The following CAPZB variants were observed in gnomAD, a reference collection of about 807,000 sequenced individuals.
CAPZB encodes the protein F-actin-capping protein subunit beta.
A neutral mutation model predicts 38.1 loss-of-function variants in CAPZB; 2 were observed. That is an observed-to-expected ratio of 0.05 (90% CI 0.02 to 0.17). The LOEUF is 0.17. Among genes scored for constraint, CAPZB ranks in the 10% least tolerant of loss-of-function variants. CAPZB has a pLI of 1.00. For synonymous variants in CAPZB, 107 were observed against 127.4 expected, an observed-to-expected ratio of 0.84 and a Z score of 1.08; for missense variants, 161 against 334.2, an observed-to-expected ratio of 0.48 and a Z score of 4.04.
chr1:19,376,549 C>CA (rs1156648340), intron 4 of CAPZB, among the ~76,000 whole-genome samples: 4 of 152,238 alleles, frequency 2.6e-5, no homozygotes, highest in Admixed American at 2.6e-4. Flanking sequence ...GCCCCTGCCT[C>CA]AGAGACCCTG....
chr1:19,403,027 CAACAA>C, intron 2 of CAPZB, among the ~76,000 whole-genome samples: 1 of 151,586 alleles, frequency 6.6e-6, no homozygotes, highest in Non-Finnish European at 1.5e-5. Context: ...CCAGCCTGGG[CAACAA>C]GAACAAAACT....
intron 2 of CAPZB, among the ~76,000 whole-genome samples, chr1:19,386,135 CTCTA>C (rs1213916616): frequency 3.9e-5 from 6 of 152,234 alleles, no homozygotes; most frequent in Non-Finnish European, 8.8e-5. Context: ...GTAGAGTCAA[CTCTA>C]TCTGCTGCAA....
chr1:19,370,089 C>T lies in CAPZB; in HGVS notation c.329+8451G>A, dbSNP rs78551084. ...ACCTTCCAGACCTTTCCCAAGGCTC[C>T]CAGAATGACACCCAGAGCCCGCACC... On this transcript the variant is annotated intron_variant, in intron 4 of 8. Transcript: ENST00000264202. Among the ~76,000 whole-genome samples the T allele has an allele frequency of 9.3e-3, 1,416 of 152,296 alleles. 28 individuals carry two copies. The highest frequency in any genetic ancestry group is 0.033 in the African/African-American group (1,352 of 41,566).
Position 19,357,127 on chromosome 1 carries a change from A to T in CAPZB, c.471+295T>A, listed in dbSNP as rs2094025834. On this transcript the variant is annotated intron_variant, in intron 5 of 8. Coordinates refer to ENST00000264202, the MANE Select transcript of CAPZB (RefSeq NM_004930.5). The surrounding 1 kb of genome is among the most constrained non-coding windows in gnomAD (Gnocchi z 4.3). ...TGATCTGCCCACCTCAGCCTCCCAA[A>T]CTGCTGGGATTACAGGCCCGAGCCA... 6.6e-6 allele frequency among the ~76,000 whole-genome samples: 1 copy of T among 151,954 alleles called. No homozygotes were observed.
intron 3 of CAPZB, among the ~76,000 whole-genome samples, chr1:19,384,782 C>T (rs1338281517): frequency 6.6e-6 from 1 of 152,198 alleles, no homozygotes; most frequent in Non-Finnish European, 1.5e-5. Flanking sequence ...AGGATTCCCA[C>T]TCTTAAAAAA....
At chr1:19,472,137 T>C (rs1268242660) in intron 1 of CAPZB, among the ~76,000 whole-genome samples, 1 of 152,122 alleles carries the variant, frequency 6.6e-6, no homozygotes, top group Non-Finnish European at 1.5e-5. Context: ...ATAAAGTTAT[T>C]AGAGGAAGGA....
At chr1:19,441,536 G>A (rs187031381) in intron 1 of CAPZB, among the ~76,000 whole-genome samples, 10 of 151,998 alleles carry the variant, frequency 6.6e-5, no homozygotes, top group Non-Finnish European at 1.3e-4. Flanking sequence ...TACACAGCAG[G>A]GCATGTTCAC....
intron 6 of CAPZB, among the ~76,000 whole-genome samples, chr1:19,349,310 G>C (rs1259964503): frequency 6.6e-6 from 1 of 152,076 alleles, no homozygotes; most frequent in East Asian, 1.9e-4. Flanking sequence ...GGTGGAGTCA[G>C]CTCGGCAGGC....
At chr1:19,398,280 T>G (rs2094283375) in intron 2 of CAPZB, among the ~76,000 whole-genome samples, 1 of 152,124 alleles carries the variant, frequency 6.6e-6, no homozygotes, top group Admixed American at 6.5e-5. Context: ...AGCCCTGTAC[T>G]CCTCGCCCCA....
chr1:19,416,860 C>CAAAAAA (rs59789230), intron 2 of CAPZB, among the ~76,000 whole-genome samples: 884 of 69,396 alleles, frequency 0.013, 148 homozygotes, highest in Non-Finnish European at 0.017. Context: ...GACCCTGTCT[C>CAAAAAA]AAAAAAAAAA....
At chr1:19,404,538 C>T (rs1473118930) in intron 2 of CAPZB, among the ~76,000 whole-genome samples, 1 of 93,472 alleles carries the variant, frequency 1.1e-5, no homozygotes, top group Non-Finnish European at 2.1e-5. Flanking sequence ...AGCAAAACTC[C>T]ATGTTAAAAA....
At chr1:19,403,518 G>C (rs532186592) in intron 2 of CAPZB, among the ~76,000 whole-genome samples, 7 of 152,364 alleles carry the variant, frequency 4.6e-5, no homozygotes, top group Admixed American at 4.6e-4. Flanking sequence ...ACAGGAGGAA[G>C]GGGCAGGGCC....
intron 2 of CAPZB, among the ~76,000 whole-genome samples, chr1:19,388,622 C>T (rs552500298): frequency 3.3e-5 from 5 of 152,264 alleles, no homozygotes; most frequent in Admixed American, 1.3e-4. Context: ...CAAAGAGAAC[C>T]GGAGCTGTCA....
At position 19,347,635 on chromosome 1, in the gene CAPZB, TAAGTA is replaced by T. The variant is rs148676431; in HGVS notation, c.589-2388_589-2384del. 1.4e-3 allele frequency among the ~76,000 whole-genome samples: 214 copies of T among 152,318 alleles called. 1 individual carries two copies. The highest frequency in any genetic ancestry group is 4.9e-3 in the African/African-American group (205 of 41,566). On this transcript the variant is annotated intron_variant, in intron 6 of 8. Transcript: ENST00000264202. ...TTGGTCAACTTGTTTGTCCAGGACT[TAAGTA>T]AAGGCCCAGCTGAGAGAACGACCAG...
intron 1 of CAPZB, among the ~76,000 whole-genome samples, chr1:19,458,200 T>C (rs2094539306): frequency 6.6e-6 from 1 of 152,114 alleles, no homozygotes; most frequent in African/African-American, 2.4e-5. Flanking sequence ...CTACATGAAA[T>C]TGCCAACACA....
intron 2 of CAPZB, among the ~76,000 whole-genome samples, chr1:19,386,037 G>A (rs898133617): frequency 6.6e-6 from 1 of 152,222 alleles, no homozygotes; most frequent in African/African-American, 2.4e-5. Context: ...AGAAAAACTC[G>A]TCCGTGCCGG....
At position 19,339,325 on chromosome 1, in the gene CAPZB, G is replaced by T; in HGVS notation, c.*205C>A. Reference sequence around the variant, plus strand: ...TGGAAATGTGGAGAGAACTGAGAGCGAGGTGTGGCAGAAGCAGGCTCGGAG... The same window carrying T: ...TGGAAATGTGGAGAGAACTGAGAGCTAGGTGTGGCAGAAGCAGGCTCGGAG... On this transcript the variant is annotated 3_prime_UTR_variant, in exon 9 of 9. Coordinates refer to ENST00000264202, the MANE Select transcript of CAPZB (RefSeq NM_004930.5). 1 of 617,996 alleles carries T rather than the reference G, an allele frequency of 1.6e-6. No individual in the cohort carries two copies. The highest frequency in any genetic ancestry group is 2.7e-5 in the East Asian group (1 of 36,994). 38.3% of individuals were successfully genotyped at this position (617,996 alleles called of 1,614,324 possible).
chr1:19,428,300 G>T (rs2094430554), intron 1 of CAPZB, among the ~76,000 whole-genome samples: 1 of 152,130 alleles, frequency 6.6e-6, no homozygotes, highest in African/African-American at 2.4e-5. Context: ...CTACACGGGA[G>T]GCTGAGGCAG....
chr1:19,442,025 A>AC (rs2094478950), intron 1 of CAPZB, among the ~76,000 whole-genome samples: 1 of 151,474 alleles, frequency 6.6e-6, no homozygotes, highest in South Asian at 2.1e-4. Flanking sequence ...AAAAAAAAAA[A>AC]AAAGCACAGG....
Sources: allele counts gnomAD v4.1 joint callset (sites outside exome capture counted in the v4.1 genomes callset), GRCh38; gene constraint gnomAD v4.1.1; non-coding constraint Gnocchi (gnomAD v3.1); transcripts MANE v1.5; gene names NCBI Gene and HGNC (gene_info 2026-07-23, HGNC 2026-07-21).